Variants in KIRREL3 observed in about 807,000 individuals in gnomAD.
KIRREL3 encodes kirre like nephrin family adhesion molecule 3.
A neutral mutation model predicts 89.7 loss-of-function variants in KIRREL3; 36 were observed. The ratio of observed to expected loss-of-function variants is 0.40; its 90% CI spans 0.31 to 0.53. KIRREL3 has a LOEUF of 0.53. Among genes scored for constraint, KIRREL3 ranks in the 20% least tolerant of loss-of-function variants. The probability of loss-of-function intolerance (pLI) is 0.49; values close to 1 mark genes in which losing one functional copy is unlikely to be tolerated. For synonymous variants in KIRREL3, 445 were observed against 441.4 expected, an observed-to-expected ratio of 1.01 and a Z score of -0.10; for missense variants, 864 against 1,056.6, an observed-to-expected ratio of 0.82 and a Z score of 2.53.
intron 1 of KIRREL3, among the ~76,000 whole-genome samples, chr11:126,707,337 G>A (rs184191604): frequency 1.6e-3 from 231 of 145,646 alleles, no homozygotes; most frequent in African/African-American, 2.6e-3. Flanking sequence ...TTATGGTTTC[G>A]TCTTTCATCT....
Position 126,686,517 on chromosome 11 carries a change from G to C in KIRREL3, c.56-123605C>G, listed in dbSNP as rs1353109320. 1.1e-4 allele frequency among the ~76,000 whole-genome samples: 16 copies of C among 152,138 alleles called. No homozygotes were observed. The highest frequency in any genetic ancestry group is 4.4e-5 in the Non-Finnish European group (3 of 68,020). The stretch of plus-strand genomic sequence containing the variant: ...AGGGTCAGTGCTGGCCACTGAGCGG[G>C]GAGGGTGGGGAGGGACTGTGCGTTC... On this transcript the variant is annotated intron_variant, in intron 1 of 16. Transcript: ENST00000525144. This position sits in a 1 kb window ranked among gnomAD's most constrained non-coding sequence, Gnocchi z 4.7.
In KIRREL3 at chr11:126,449,477, G is replaced by C. The variant is rs181980494; in HGVS notation, c.849-320C>G. 3.9e-5 allele frequency among the ~76,000 whole-genome samples: 6 copies of C among 152,338 alleles called. No individual in the cohort carries two copies. The East Asian group carries it at 1.2e-3, about 29-fold the overall frequency. Reference sequence around the variant, plus strand: ...TGGTCAGCCCATCTGCTGGCTAGACGATGGAAAATCCAACTGTCAGTGGGC... The same window carrying C: ...TGGTCAGCCCATCTGCTGGCTAGACCATGGAAAATCCAACTGTCAGTGGGC... On this transcript the variant is annotated intron_variant, in intron 7 of 16. Coordinates refer to ENST00000525144, the MANE Select transcript of KIRREL3 (RefSeq NM_032531.4).
chr11:126,738,535 A>AT (rs556526698), intron 1 of KIRREL3, among the ~76,000 whole-genome samples: 3 of 151,746 alleles, frequency 2.0e-5, no homozygotes, highest in African/African-American at 4.8e-5. Context: ...TGAGTTTCCT[A>AT]TTTTTTTTCC....
intron 1 of KIRREL3, among the ~76,000 whole-genome samples, chr11:126,644,424 C>G (rs554290926): frequency 2.6e-5 from 4 of 152,274 alleles, no homozygotes; most frequent in Non-Finnish European, 4.4e-5. Flanking sequence ...ACAATTGGAG[C>G]TGAATGTTCA....
intron 1 of KIRREL3, among the ~76,000 whole-genome samples, chr11:126,671,253 AGTCGAG>A (rs1347501418): frequency 1.7e-5 from 2 of 118,164 alleles, no homozygotes; most frequent in African/African-American, 3.3e-5. Flanking sequence ...TTTTTTTTTG[AGTCGAG>A]GTCTTGCTGC....
In KIRREL3 at chr11:126,766,552, A is replaced by G. The variant is rs1029496661; in HGVS notation, c.56-203640T>C. On this transcript the variant is annotated intron_variant, in intron 1 of 16. Transcript: ENST00000525144. The surrounding 1 kb of genome is among the most constrained non-coding windows in gnomAD (Gnocchi z 4.2). The stretch of plus-strand genomic sequence containing the variant: ...ACAGGTTTCCAGGGCAGGTGGTGGT[A>G]TCTTCTGGGTCTTGGGGAACCATCC... 4.6e-5 allele frequency among the ~76,000 whole-genome samples: 7 copies of G among 152,038 alleles called. No homozygotes were observed. Among genetic ancestry groups the G allele is most frequent in the African/African-American group, 1.4e-4 (6 of 41,414 alleles).
intron 1 of KIRREL3, among the ~76,000 whole-genome samples, chr11:126,671,821 C>T (rs1385886858): frequency 6.6e-6 from 1 of 152,164 alleles, no homozygotes; most frequent in Admixed American, 6.5e-5. Flanking sequence ...TTCATTGCTG[C>T]TGGGAATGCA....
Position 126,978,415 on chromosome 11 carries a change from C to T in KIRREL3, c.55+22040G>A, listed in dbSNP as rs557796931. Among the ~76,000 whole-genome samples the T allele has an allele frequency of 2.6e-5, 4 of 152,306 alleles. No individual in the cohort carries two copies. Among genetic ancestry groups the T allele is most frequent in the Non-Finnish European group, 5.9e-5 (4 of 68,034 alleles). ...CATTCTTTTCTTTGTTAACCCAACC[C>T]CTGGCAGCAATTATGTCCTAAAGGA... On this transcript the variant is annotated intron_variant, in intron 1 of 16. Transcript: ENST00000525144. This position sits in a 1 kb window ranked among gnomAD's most constrained non-coding sequence, Gnocchi z 4.2.
At chr11:126,467,269 GC>G (rs953756505) in intron 5 of KIRREL3, among the ~76,000 whole-genome samples, 7 of 152,208 alleles carry the variant, frequency 4.6e-5, no homozygotes, top group Non-Finnish European at 1.0e-4. Context: ...CTCCCTAAGG[GC>G]AGGGATTTGG....
At chr11:126,625,455 T>G (rs1002690803) in intron 1 of KIRREL3, among the ~76,000 whole-genome samples, 2 of 152,220 alleles carry the variant, frequency 1.3e-5, no homozygotes, top group African/African-American at 4.8e-5. Flanking sequence ...TTCTGCAGAC[T>G]GCCCAATCTT....
rs1034331405 is a variant in KIRREL3 at position 126,879,366 on chromosome 11, T to G, written c.55+121089A>C. Reference sequence around the variant, plus strand: ...CTGAACCGTCACACACATCTGGAAATGTATGTTTCAACTCTTTCTTTTTTG... The same window carrying G: ...CTGAACCGTCACACACATCTGGAAAGGTATGTTTCAACTCTTTCTTTTTTG... On this transcript the variant is annotated intron_variant, in intron 1 of 16. Transcript: ENST00000525144. The surrounding 1 kb of genome is among the most constrained non-coding windows in gnomAD (Gnocchi z 5.4). Among the ~76,000 whole-genome samples the G allele has an allele frequency of 2.0e-5, 3 of 152,186 alleles. No homozygotes were observed. Among genetic ancestry groups the G allele is most frequent in the African/African-American group, 7.2e-5 (3 of 41,428 alleles).
intron 1 of KIRREL3, among the ~76,000 whole-genome samples, chr11:126,827,921 G>A (rs1285775173): frequency 1.3e-5 from 2 of 152,136 alleles, no homozygotes; most frequent in East Asian, 3.9e-4. Context: ...AATGGTAAGA[G>A]CATTGGGTTT....
rs150549420 is a variant in KIRREL3, at chr11:126,771,920, G to A, written c.56-209008C>T. 1.2e-4 allele frequency among the ~76,000 whole-genome samples: 19 copies of A among 152,304 alleles called. No homozygotes were observed. The highest frequency in any genetic ancestry group is 5.8e-4 in the East Asian group (3 of 5,184). On this transcript the variant is annotated intron_variant, in intron 1 of 16. Transcript: ENST00000525144. The surrounding 1 kb of genome is among the most constrained non-coding windows in gnomAD (Gnocchi z 4.4). The stretch of plus-strand genomic sequence containing the variant: ...TGAGCATGCAGCAATAGAAGACGAC[G>A]TCCTCTTGCCTTGGCTAGATCCTAA...
chr11:126,835,519 C>T (rs1943748732), intron 1 of KIRREL3, among the ~76,000 whole-genome samples: 1 of 152,122 alleles, frequency 6.6e-6, no homozygotes, highest in Non-Finnish European at 1.5e-5. Flanking sequence ...ATGAAATGCC[C>T]ACTACGTGTT....
rs571514995 is a variant in KIRREL3 at position 126,559,280 on chromosome 11, A to G, written c.133+3555T>C. Among the ~76,000 whole-genome samples, 10 of 152,230 alleles carry G rather than the reference A, an allele frequency of 6.6e-5. No individual in the cohort carries two copies. In the South Asian group the frequency reaches 1.2e-3, roughly 19 times the overall value. On this transcript the variant is annotated intron_variant, in intron 2 of 16. Coordinates refer to ENST00000525144, the MANE Select transcript of KIRREL3 (RefSeq NM_032531.4). ...TCTGAGGCGCTCCTTTTCAATACCT[A>G]CCTGACACCTGTGGGGACTTTGTAC...
chr11:126,834,705 C>G (rs1473537814), intron 1 of KIRREL3, among the ~76,000 whole-genome samples: 1 of 152,250 alleles, frequency 6.6e-6, no homozygotes, highest in East Asian at 1.9e-4. Context: ...TGAAGGCCTT[C>G]CTCACCGGCG....
At position 126,513,717 on chromosome 11, in the gene KIRREL3, A is replaced by G. The variant is rs1192798871; in HGVS notation, c.433+7598T>C. Among the ~76,000 whole-genome samples the G allele has an allele frequency of 6.6e-6, 1 of 151,866 alleles. No individual in the cohort carries two copies. Among genetic ancestry groups the G allele is most frequent in the Non-Finnish European group, 1.5e-5 (1 of 67,980 alleles). ...ACATGCAGATTATGGGGGCAGGGAG[A>G]TTGTGGGGGGCGACCTTGGAGTGCA... On this transcript the variant is annotated intron_variant, in intron 4 of 16. Transcript: ENST00000525144. The surrounding 1 kb of genome is among the most constrained non-coding windows in gnomAD (Gnocchi z 5.9).
intron 1 of KIRREL3, among the ~76,000 whole-genome samples, chr11:126,633,296 A>C (rs1191641379): frequency 6.6e-6 from 1 of 152,084 alleles, no homozygotes; most frequent in Non-Finnish European, 1.5e-5. Flanking sequence ...TGGCACACGT[A>C]TCCCTATGGA....
chr11:126,801,606 A>T (rs533395376), intron 1 of KIRREL3, among the ~76,000 whole-genome samples: 1 of 152,058 alleles, frequency 6.6e-6, no homozygotes, highest in Non-Finnish European at 1.5e-5. Context: ...TTGCTCTGCC[A>T]CTCACCAGCT....
Sources: gnomAD v4.1 joint callset for allele counts (sites outside exome capture counted in the v4.1 genomes callset) on GRCh38, gnomAD v4.1.1 for gene constraint, Gnocchi (gnomAD v3.1) non-coding constraint, MANE v1.5 for transcripts, NCBI Gene and HGNC (gene_info 2026-07-23, HGNC 2026-07-21) for gene names.